Variants in IL10RA observed in about 807,000 individuals in gnomAD.
The protein encoded by IL10RA is interleukin-10 receptor subunit alpha.
IL10RA carries 18 observed loss-of-function variants against 29.6 expected under a neutral mutation model. That is an observed-to-expected ratio of 0.61 (90% CI 0.42 to 0.90). The LOEUF is 0.90. Among genes scored for constraint, IL10RA ranks in the 40% least tolerant of loss-of-function variants. The pLI, the probability that IL10RA is intolerant of heterozygous loss-of-function variation, is 0.00. For missense variants in IL10RA, 634 were observed against 716.6 expected (o/e 0.88, Z 1.32); for synonymous variants, 292 against 294.1 (o/e 0.99, Z 0.07).
chr11:117,987,002 C>T (rs2057990900), intron 1 of IL10RA: 1 of 462,966 alleles, frequency 2.2e-6, no homozygotes. Context: ...CTTGCTCCAC[C>T]TGTAGCCCCC....
At chr11:117,998,031 T>C (rs561055192) in intron 6 of IL10RA, among the ~76,000 whole-genome samples, 5 of 152,322 alleles carry the variant, frequency 3.3e-5, no homozygotes, top group African/African-American at 1.2e-4. Flanking sequence ...AGAGGGGTTA[T>C]GTGGCTTCCT....
chr11:117,995,547 C>T, intron 5 of IL10RA, 42 bp from the exon 6 acceptor site: 1 of 1,613,594 alleles, frequency 6.2e-7, no homozygotes, highest in Non-Finnish European at 8.5e-7. Context: ...ATCACCGTGC[C>T]CCATGGTGAC....
At chr11:117,996,270 G>A (rs761510603) in intron 6 of IL10RA, among the ~76,000 whole-genome samples, 12 of 151,788 alleles carry the variant, frequency 7.9e-5, no homozygotes, top group Admixed American at 2.6e-4. Context: ...GGGATGCTGC[G>A]CCACTGGAGA....
intron 5 of IL10RA, chr11:117,995,167 C>T: frequency 3.1e-6 from 1 of 326,610 alleles, no homozygotes; most frequent in Non-Finnish European, 6.0e-6. Context: ...GTGCTGTGTA[C>T]TTCACAACTA....
At chr11:117,988,679 A>G (rs1283077824) in intron 2 of IL10RA, among the ~76,000 whole-genome samples, 177 bp downstream of exon 2, 1 of 152,184 alleles carries the variant, frequency 6.6e-6, no homozygotes, top group African/African-American at 2.4e-5. Flanking sequence ...ATGTGCCGGG[A>G]GCTCTGGGTG....
intron 6 of IL10RA, among the ~76,000 whole-genome samples, chr11:117,997,527 G>A (rs4252285): frequency 0.015 from 2,254 of 152,268 alleles, 49 homozygotes; most frequent in African/African-American, 0.05. Flanking sequence ...CAACCAATAA[G>A]AGCTGCATTT....
In IL10RA at chr11:117,999,383, C is replaced by T. The variant is rs1452812832; in HGVS notation, c.1479C>T (p.Ala493=). ...DEAGLHPPAL[A]KGYLKQDPLE... is the part of the protein sequence containing the mutation. Reference sequence around the variant, plus strand: ...CAGGCTTGCATCCACCAGCCCTGGCCAAGGGCTATTTGAAACAGGATCCTC... The same window carrying T: ...CAGGCTTGCATCCACCAGCCCTGGCTAAGGGCTATTTGAAACAGGATCCTC... The change falls in exon 7 of 7, where the codon GCC becomes GCT. Residue 493 remains alanine, a synonymous_variant. Transcript: ENST00000227752. The T allele has an allele frequency of 6.2e-7, 1 of 1,614,056 alleles. No individual in the cohort carries two copies. Among genetic ancestry groups the T allele is most frequent in the Non-Finnish European group, 8.5e-7 (1 of 1,180,026 alleles).
At chr11:117,988,571 T>A in intron 2 of IL10RA, 69 bp downstream of exon 2, 1 of 1,577,978 alleles carries the variant, frequency 6.3e-7, no homozygotes. Context: ...TCTCCTAGCA[T>A]GGGAAGATAC....
rs2057991943 is a variant in IL10RA at position 117,987,183 on chromosome 11, A to G, written c.67+649A>G. 5 of 299,532 alleles carry G rather than the reference A, an allele frequency of 1.7e-5. No homozygotes were observed. In the Admixed American group the frequency reaches 1.8e-4, roughly 11 times the overall value. The allele number at this position is 299,532 out of a possible 1,614,324, so 18.6% of individuals were successfully genotyped here. ...CGGGAGTTGGAAGGACCAAGAGCAG[A>G]GACAGAGAGCAAGGACCGAAACTGC... On this transcript the variant is annotated intron_variant, in intron 1 of 6. Transcript: ENST00000227752.
chr11:117,991,462 C>T (rs1407365359), intron 3 of IL10RA, among the ~76,000 whole-genome samples: 1 of 152,138 alleles, frequency 6.6e-6, no homozygotes, highest in Non-Finnish European at 1.5e-5. Context: ...ATTATTACTA[C>T]AGTCACCTTG....
intron 6 of IL10RA, among the ~76,000 whole-genome samples, chr11:117,996,966 T>C (rs1285465055): frequency 6.6e-6 from 1 of 152,248 alleles, no homozygotes. Context: ...TCCCTTCATC[T>C]GATGATCGTA....
Position 117,993,995 on chromosome 11 carries a change from TC to T in IL10RA, c.538-3del. The T allele has an allele frequency of 6.2e-7, 1 of 1,613,628 alleles. No individual in the cohort carries two copies. The highest frequency in any genetic ancestry group is 8.5e-7 in the Non-Finnish European group (1 of 1,179,520). ...TTTGTTAATTGCTATCATTTTTGTT[TC>T]AGTTCACACACAAGAAAGTAAAACA... is the stretch of plus-strand genomic sequence containing the variant. On this transcript the variant is annotated splice_polypyrimidine_tract_variant and splice_region_variant and intron_variant, in intron 4 of 6. Coordinates refer to ENST00000227752, the MANE Select transcript of IL10RA (RefSeq NM_001558.4).
chr11:117,988,783 C>T (rs989856963), intron 2 of IL10RA, among the ~76,000 whole-genome samples: 1 of 152,132 alleles, frequency 6.6e-6, no homozygotes, highest in Admixed American at 6.5e-5. Flanking sequence ...TTCGTTGAGA[C>T]AGCTTCTCGC....
rs1262116413 is a variant in IL10RA, at chr11:117,989,310, G to C, written c.189-132G>C. 2 of 831,232 alleles carry C rather than the reference G, an allele frequency of 2.4e-6. No homozygotes were observed. Among genetic ancestry groups the C allele is most frequent in the African/African-American group, 3.3e-5 (2 of 59,910 alleles). The allele number at this position is 831,232 out of a possible 1,614,324, so 51.5% of individuals were successfully genotyped here. A position where few individuals can be genotyped will look rare whatever the true frequency, so the allele number is the denominator to read the frequency against. ...CCTCACAATGAGCTGCCGTGGACTA[G>C]AGGATATAGCCTGAGGGCTGTCCCA... On this transcript the variant is annotated intron_variant, in intron 2 of 6. Coordinates refer to ENST00000227752, the MANE Select transcript of IL10RA (RefSeq NM_001558.4). The surrounding 1 kb of genome is among the most constrained non-coding windows in gnomAD (Gnocchi z 4.5).
At position 117,991,003 on chromosome 11, in the gene IL10RA, C is replaced by T. The variant is rs1402918506; in HGVS notation, c.367+1383C>T. ...CCTGAGGTCAGGAGTTTGAGACCAG[C>T]CTGGCTGACAAGGTGAAACCCCATC... On this transcript the variant is annotated intron_variant, in intron 3 of 6. Coordinates refer to ENST00000227752, the MANE Select transcript of IL10RA (RefSeq NM_001558.4). 1.3e-5 allele frequency among the ~76,000 whole-genome samples: 2 copies of T among 151,856 alleles called. 1 individual carries two copies. The highest frequency in any genetic ancestry group is 4.2e-4 in the South Asian group (2 of 4,794).
intron 1 of IL10RA, 57 bp downstream of exon 1, chr11:117,986,591 A>G: frequency 2.6e-6 from 4 of 1,547,518 alleles, no homozygotes; most frequent in Non-Finnish European, 1.7e-6. Context: ...CCGCTCCATT[A>G]AAGTTCTCCA....
chr11:117,999,677 C>T lies in IL10RA; in HGVS notation c.*36C>T, dbSNP rs775277896. The T allele has an allele frequency of 3.8e-6, 6 of 1,570,238 alleles. No individual in the cohort carries two copies. The highest frequency in any genetic ancestry group is 2.2e-5 in the South Asian group (2 of 90,282). Reference sequence around the variant, plus strand: ...GAGGCTGCTTTTGATTTTAGCCATGCCTGCTCCTCTGCCTGGACCAGGAGG... The same window carrying T: ...GAGGCTGCTTTTGATTTTAGCCATGTCTGCTCCTCTGCCTGGACCAGGAGG... On this transcript the variant is annotated 3_prime_UTR_variant, in exon 7 of 7. Coordinates refer to ENST00000227752, the MANE Select transcript of IL10RA (RefSeq NM_001558.4).
At chr11:117,991,527 C>G (rs2058022283) in intron 3 of IL10RA, among the ~76,000 whole-genome samples, 1 of 152,300 alleles carries the variant, frequency 6.6e-6, no homozygotes, top group East Asian at 1.9e-4. Context: ...CTTGGTACCC[C>G]TCTCCTTGTT....
Position 118,000,141 on chromosome 11 carries a change from G to A in IL10RA, c.*500G>A, listed in dbSNP as rs759770870. The A allele has an allele frequency of 2.9e-5, 13 of 454,570 alleles. No individual in the cohort carries two copies. Among genetic ancestry groups the A allele is most frequent in the Non-Finnish European group, 4.8e-5 (11 of 227,240 alleles). 28.2% of individuals were successfully genotyped at this position (454,570 alleles called of 1,614,324 possible). ...GGGGTCATTTTTAGGGGAAAAAGGAGGATATGATGGTCACATGGGGAACCT... is the reference window on the plus strand; with the variant it reads ...GGGGTCATTTTTAGGGGAAAAAGGAAGATATGATGGTCACATGGGGAACCT... On this transcript the variant is annotated 3_prime_UTR_variant, in exon 7 of 7. Coordinates refer to ENST00000227752, the MANE Select transcript of IL10RA (RefSeq NM_001558.4).
Sources: gnomAD v4.1 joint callset for allele counts (sites outside exome capture counted in the v4.1 genomes callset) on GRCh38, gnomAD v4.1.1 for gene constraint, Gnocchi (gnomAD v3.1) non-coding constraint, MANE v1.5 for transcripts, NCBI Gene and HGNC (gene_info 2026-07-23, HGNC 2026-07-21) for gene names.